Variants in THSD4 observed in about 807,000 individuals in gnomAD.
THSD4 encodes thrombospondin type 1 domain containing 4, also known as thrombospondin type-1 domain-containing protein 4.
Under a neutral mutation model 119.0 loss-of-function variants are expected in THSD4, and 69 were observed. The observed-to-expected ratio is 0.58, with a 90% CI of 0.48 to 0.71. The LOEUF (loss-of-function observed/expected upper bound fraction) is 0.71. Among genes scored for constraint, THSD4 ranks in the 30% least tolerant of loss-of-function variants. THSD4 has a pLI of 0.00. For synonymous variants in THSD4, 524 were observed against 540.4 expected, an observed-to-expected ratio of 0.97 and a Z score of 0.42; for missense variants, 1,393 against 1,391.1, an observed-to-expected ratio of 1.00 and a Z score of -0.02.
chr15:71,347,052 T>C (rs535707722), intron 6 of THSD4, among the ~76,000 whole-genome samples: 1 of 152,032 alleles, frequency 6.6e-6, no homozygotes, highest in East Asian at 1.9e-4. Flanking sequence ...TTTTGTATTT[T>C]TAGTAGAGAC....
chr15:71,559,124 T>C lies in THSD4; in HGVS notation c.1153-101406T>C, dbSNP rs1476274693. Reference sequence around the variant, plus strand: ...TTCAAGTCTTCTGTGTCTTTTCTAATGTGCGCTGCCTCATCTGTCAGTATT... The same window carrying C: ...TTCAAGTCTTCTGTGTCTTTTCTAACGTGCGCTGCCTCATCTGTCAGTATT... On this transcript the variant is annotated intron_variant, in intron 7 of 17. Transcript: ENST00000261862. Among the ~76,000 whole-genome samples, 4 of 152,196 alleles carry C rather than the reference T, an allele frequency of 2.6e-5. No homozygotes were observed. In the East Asian group the frequency reaches 5.8e-4, roughly 22 times the overall value.
At chr15:71,227,202 C>T (rs914200908) in intron 4 of THSD4, among the ~76,000 whole-genome samples, 7 of 152,156 alleles carry the variant, frequency 4.6e-5, no homozygotes, top group South Asian at 2.1e-4. Context: ...TCATTTCTTG[C>T]GGTATTTCAT....
chr15:71,527,753 C>A (rs1205280313), intron 7 of THSD4, among the ~76,000 whole-genome samples: 1 of 102,660 alleles, frequency 9.7e-6, no homozygotes, highest in Non-Finnish European at 1.9e-5. Context: ...CACTTTGTTG[C>A]CCAGGCTGGA....
At position 71,468,425 on chromosome 15, in the gene THSD4, A is replaced by G. The variant is rs534502302; in HGVS notation, c.1152+56602A>G. Among the ~76,000 whole-genome samples the G allele has an allele frequency of 3.3e-5, 5 of 152,290 alleles. No individual in the cohort carries two copies. In the South Asian group the frequency reaches 6.2e-4, roughly 19 times the overall value. On this transcript the variant is annotated intron_variant, in intron 7 of 17. Coordinates refer to ENST00000261862, the MANE Select transcript of THSD4 (RefSeq NM_024817.3). ...TTTCCTTAAAATATTTAATATGCTC[A>G]TATGCTAAAAGTCCCATATTTTTGG...
chr15:71,328,057 T>G (rs1246885313), intron 6 of THSD4, among the ~76,000 whole-genome samples: 1 of 152,232 alleles, frequency 6.6e-6, no homozygotes, highest in Non-Finnish European at 1.5e-5. Flanking sequence ...GTGTCCTCCT[T>G]TCTCAAACCT....
intron 7 of THSD4, 119 bp from the exon 8 acceptor site, chr15:71,660,411 A>G (rs574781495): frequency 8.0e-7 from 1 of 1,253,128 alleles, no homozygotes; most frequent in East Asian, 2.3e-5. Context: ...CCCCACTCCT[A>G]GAATATACAT....
chr15:71,263,409 A>G (rs1258024892), intron 6 of THSD4, among the ~76,000 whole-genome samples: 1 of 150,694 alleles, frequency 6.6e-6, no homozygotes, highest in Non-Finnish European at 1.5e-5. Flanking sequence ...TGTCTTTACT[A>G]TTGTGAATAG....
Position 71,476,668 on chromosome 15 carries a change from C to T in THSD4, c.1152+64845C>T, listed in dbSNP as rs191721419. On this transcript the variant is annotated intron_variant, in intron 7 of 17. Transcript: ENST00000261862. ...AAGGCAACAAGGCAACCTCTAGGTC[C>T]AAATCTATAGCTAAAGCTAATACTA... Among the ~76,000 whole-genome samples, 454 of 152,332 alleles carry T rather than the reference C, an allele frequency of 3.0e-3. 3 individuals are homozygous for T. Among genetic ancestry groups the T allele is most frequent in the African/African-American group, 1.0e-2 (414 of 41,574 alleles).
At chr15:71,421,851 T>C (rs1265512704) in intron 7 of THSD4, among the ~76,000 whole-genome samples, 2 of 152,196 alleles carry the variant, frequency 1.3e-5, no homozygotes, top group African/African-American at 2.4e-5. Flanking sequence ...CATGCCTTAT[T>C]CCTTTTTACT....
chr15:71,327,864 A>G (rs904748278), intron 6 of THSD4, among the ~76,000 whole-genome samples: 11 of 152,222 alleles, frequency 7.2e-5, no homozygotes, highest in African/African-American at 2.4e-4. Flanking sequence ...TTAACAATGT[A>G]GGGCCTAGGA....
chr15:71,123,511 A>G (rs772527973), intron 1 of THSD4, among the ~76,000 whole-genome samples: 7 of 152,228 alleles, frequency 4.6e-5, no homozygotes, highest in Non-Finnish European at 8.8e-5. Context: ...GCAGGTGAAC[A>G]CTAGAACTTC....
At chr15:71,621,273 G>A (rs1370096828) in intron 7 of THSD4, among the ~76,000 whole-genome samples, 1 of 152,174 alleles carries the variant, frequency 6.6e-6, no homozygotes, top group African/African-American at 2.4e-5. Flanking sequence ...GAAAATTGCT[G>A]TCAAGATATT....
chr15:71,353,676 T>G (rs1418680716), intron 6 of THSD4, among the ~76,000 whole-genome samples: 3 of 152,146 alleles, frequency 2.0e-5, no homozygotes, highest in Non-Finnish European at 4.4e-5. Flanking sequence ...CTAAACAGAG[T>G]CTGTTAGCCC....
intron 7 of THSD4, among the ~76,000 whole-genome samples, chr15:71,479,432 C>A (rs761890922): frequency 5.3e-5 from 8 of 152,076 alleles, no homozygotes; most frequent in Non-Finnish European, 8.8e-5. Context: ...GTTTCCTAAT[C>A]ATTGCTTCTG....
At chr15:71,341,690 G>A (rs368849987) in intron 6 of THSD4, 217 of 1,317,612 alleles carry the variant, frequency 1.6e-4, no homozygotes, top group Non-Finnish European at 8.2e-5. Flanking sequence ...GGGGTTCTCC[G>A]GGTCAAGTGA....
chr15:71,499,790 A>G (rs1393773834), intron 7 of THSD4, among the ~76,000 whole-genome samples: 2 of 152,174 alleles, frequency 1.3e-5, no homozygotes, highest in Non-Finnish European at 2.9e-5. Context: ...ACTTAGCACA[A>G]TGCCCTTGAG....
At chr15:71,348,342 A>T (rs748197022) in intron 6 of THSD4, 2 of 152,206 alleles carry the variant, frequency 1.3e-5, no homozygotes, top group Non-Finnish European at 2.9e-5. Context: ...ATTTTAATGA[A>T]CCTCAATTGA....
chr15:71,157,887 G>A (rs1314457095), intron 3 of THSD4, among the ~76,000 whole-genome samples: 3 of 151,644 alleles, frequency 2.0e-5, no homozygotes, highest in Non-Finnish European at 4.4e-5. Flanking sequence ...TTCATTTGTT[G>A]TTGGACAGTT....
In THSD4 at chr15:71,718,726, G is replaced by A. The variant is rs140795881; in HGVS notation, c.1358-9823G>A. ...TCCTTCTAAGGTCGTGCCCCCTCCT[G>A]CCTCTGTCTTTGTCCATGCCATTCT... is the stretch of plus-strand genomic sequence containing the variant. On this transcript the variant is annotated intron_variant, in intron 8 of 17. Transcript: ENST00000261862. Among the ~76,000 whole-genome samples, 552 of 152,118 alleles carry A rather than the reference G, an allele frequency of 3.6e-3. 13 individuals carry two copies. Among genetic ancestry groups the A allele is most frequent in the Admixed American group, 0.031 (478 of 15,282 alleles).
Sources: gnomAD v4.1 joint callset for allele counts (sites outside exome capture counted in the v4.1 genomes callset) on GRCh38, gnomAD v4.1.1 for gene constraint, MANE v1.5 for transcripts, NCBI Gene and HGNC (gene_info 2026-07-23, HGNC 2026-07-21) for gene names.